LYRM4: variants seen among roughly 807,000 people sequenced by gnomAD.
LYRM4 encodes the protein LYR motif-containing protein 4.
In LYRM4, 9 loss-of-function variants were observed where a neutral mutation model predicts 11.7. The observed-to-expected ratio is 0.77, with a 90% CI of 0.46 to 1.34. LYRM4 has a LOEUF of 1.34. Ranked by LOEUF, LYRM4 falls within the 40% of genes most tolerant of loss-of-function variation. The probability of loss-of-function intolerance (pLI) is 0.00; values close to 1 mark genes in which losing one functional copy is unlikely to be tolerated. For missense variants in LYRM4, 133 were observed against 112.5 expected, an observed-to-expected ratio of 1.18 and a Z score of -0.82; for synonymous variants, 42 against 40.4, an observed-to-expected ratio of 1.04 and a Z score of -0.15.
intron 2 of LYRM4, among the ~76,000 whole-genome samples, chr6:5,132,097 G>A (rs1329657913): frequency 6.6e-6 from 1 of 152,148 alleles, no homozygotes; most frequent in Non-Finnish European, 1.5e-5. Flanking sequence ...AAAAGAAAAA[G>A]GGCATTTTTG....
chr6:5,245,857 G>A (rs1483358362), intron 1 of LYRM4, among the ~76,000 whole-genome samples: 1 of 152,216 alleles, frequency 6.6e-6, no homozygotes, highest in African/African-American at 2.4e-5. Flanking sequence ...GAGCACCAGG[G>A]AGCAGAGCAT....
the LYRM4 span, among the ~76,000 whole-genome samples, chr6:5,083,628 G>A: frequency 6.6e-6 from 1 of 152,190 alleles, no homozygotes; most frequent in African/African-American, 2.4e-5. Context: ...CCTATATGTA[G>A]GCAGGAATGA....
intron 1 of LYRM4, among the ~76,000 whole-genome samples, chr6:5,219,661 A>T (rs540716352): frequency 1.3e-5 from 2 of 151,426 alleles, no homozygotes; most frequent in African/African-American, 4.8e-5. Context: ...GGGGCTAATC[A>T]CCAGTTATTT....
At chr6:5,035,522 G>A in the LYRM4 span, among the ~76,000 whole-genome samples, 42 of 112,732 alleles carry the variant, frequency 3.7e-4, no homozygotes, top group African/African-American at 1.2e-3. Flanking sequence ...TCAAGGCAAG[G>A]CTCTTTCTCC....
chr6:5,222,024 G>A (rs1285188177), intron 1 of LYRM4, among the ~76,000 whole-genome samples: 1 of 152,168 alleles, frequency 6.6e-6, no homozygotes, highest in African/African-American at 2.4e-5. Flanking sequence ...CGATGCCTAT[G>A]GAGAGGAAGC....
At chr6:5,223,664 T>C (rs1762717077) in intron 1 of LYRM4, among the ~76,000 whole-genome samples, 1 of 152,224 alleles carries the variant, frequency 6.6e-6, no homozygotes, top group Non-Finnish European at 1.5e-5. Context: ...GCGCCAAACA[T>C]GTCTTAAGAA....
chr6:5,115,691 G>A (rs1349347715), intron 2 of LYRM4, among the ~76,000 whole-genome samples: 1 of 152,118 alleles, frequency 6.6e-6, no homozygotes, highest in East Asian at 1.9e-4. Context: ...CAAGTTTCAG[G>A]AAACTTGAAA....
the LYRM4 span, chr6:5,032,370 C>T: frequency 6.6e-6 from 1 of 152,128 alleles, no homozygotes; most frequent in East Asian, 1.9e-4. Context: ...ACTTTTTATT[C>T]ACTGTTTTTT....
At position 5,203,298 on chromosome 6, in the gene LYRM4, A is replaced by C. The variant is rs115083217; in HGVS notation, c.207+13320T>G. Among the ~76,000 whole-genome samples, 1,354 of 152,266 alleles carry C rather than the reference A, an allele frequency of 8.9e-3. 17 individuals carry two copies. Among genetic ancestry groups the C allele is most frequent in the African/African-American group, 0.031 (1,270 of 41,540 alleles). ...CACCATTCTACGCACATGGGTATGG[A>C]GGAAAAGACAACTGTGAAATCAGGC... On this transcript the variant is annotated intron_variant, in intron 2 of 2. Transcript: ENST00000330636.
intron 1 of LYRM4, chr6:5,218,212 G>A (rs983929270): frequency 1.0e-5 from 10 of 977,170 alleles, no homozygotes; most frequent in African/African-American, 1.8e-5. Flanking sequence ...TGGCTCTCTC[G>A]TCTTCTTAAT....
In LYRM4 at chr6:5,175,601, G is replaced by A. The variant is rs544926063; in HGVS notation, c.207+41017C>T. Among the ~76,000 whole-genome samples the A allele has an allele frequency of 4.6e-5, 7 of 152,222 alleles. No homozygotes were observed. In the South Asian group the frequency reaches 1.2e-3, roughly 27 times the overall value. On this transcript the variant is annotated intron_variant, in intron 2 of 2. Coordinates refer to ENST00000330636, the MANE Select transcript of LYRM4 (RefSeq NM_020408.6). ...GGAATACTAAGGAGAGGGGGCCTGT[G>A]GTGGTTTTAAAACAGGGTCACACAT...
the LYRM4 span, among the ~76,000 whole-genome samples, chr6:5,071,765 G>C: frequency 6.6e-6 from 1 of 152,084 alleles, no homozygotes; most frequent in African/African-American, 2.4e-5. Context: ...AGCCTCCCCA[G>C]TAGATGGGAT....
intron 2 of LYRM4, among the ~76,000 whole-genome samples, chr6:5,138,537 T>TA (rs1376360376): frequency 1.5e-5 from 2 of 134,232 alleles, no homozygotes; most frequent in Non-Finnish European, 3.1e-5. Context: ...TTTTCTTACT[T>TA]AAAGAATTTT....
chr6:5,120,647 AGTGCTGATTGGTCCATTTTACAGG>A (rs1236542285), intron 2 of LYRM4, among the ~76,000 whole-genome samples: 28 of 152,014 alleles, frequency 1.8e-4, no homozygotes, highest in Admixed American at 1.2e-3. Flanking sequence ...CAGTTTACAG[AGTGCTGATTGGTCCATTTTACAGG>A]GTGCTGATTG....
chr6:5,169,445 T>C (rs997135034), intron 2 of LYRM4, among the ~76,000 whole-genome samples: 2 of 152,182 alleles, frequency 1.3e-5, no homozygotes, highest in African/African-American at 4.8e-5. Flanking sequence ...AACGGGACTT[T>C]AAATGACGGC....
downstream of LYRM4, chr6:5,106,090 T>G (rs931182519): frequency 2.0e-5 from 3 of 152,316 alleles, no homozygotes; most frequent in Admixed American, 6.5e-5. Context: ...AAATATCCCC[T>G]GGGGAGCCCT....
intron 2 of LYRM4, among the ~76,000 whole-genome samples, chr6:5,174,529 G>C (rs918402295): frequency 1.3e-5 from 2 of 152,088 alleles, no homozygotes; most frequent in African/African-American, 4.8e-5. Context: ...CATCCTGTTT[G>C]GTGTCACTAG....
downstream of LYRM4, chr6:5,108,322 C>T: frequency 6.5e-6 from 3 of 464,000 alleles, no homozygotes; most frequent in South Asian, 2.8e-4. Context: ...AAACAAGAAA[C>T]CGCTCTGCCA....
intron 2 of LYRM4, among the ~76,000 whole-genome samples, chr6:5,115,520 C>T (rs1338362356): frequency 6.6e-6 from 1 of 152,120 alleles, no homozygotes; most frequent in Admixed American, 6.5e-5. Flanking sequence ...ACAGCAGTTA[C>T]CATCATGTCT....
Sources: gnomAD v4.1 joint callset for allele counts (sites outside exome capture counted in the v4.1 genomes callset) on GRCh38, gnomAD v4.1.1 for gene constraint, MANE v1.5 for transcripts, NCBI Gene and HGNC (gene_info 2026-07-23, HGNC 2026-07-21) for gene names.